CLSPN: variants seen among roughly 807,000 people sequenced by gnomAD.
CLSPN encodes the protein claspin homolog.
Under a neutral mutation model 156.3 loss-of-function variants are expected in CLSPN, and 85 were observed. The ratio of observed to expected loss-of-function variants is 0.54; its 90% CI spans 0.46 to 0.65. The LOEUF is 0.65. Ranked by LOEUF, CLSPN falls within the 30% of genes least tolerant of loss-of-function variation. CLSPN has a pLI of 0.00. For synonymous variants in CLSPN, 534 were observed against 542.4 expected, an observed-to-expected ratio of 0.98 and a Z score of 0.22; for missense variants, 1,407 against 1,554.9, an observed-to-expected ratio of 0.90 and a Z score of 1.60.
chr1:35,733,625 A>G lies in CLSPN; in HGVS notation c.*2871T>C, dbSNP rs1405875984. On this transcript the variant is annotated 3_prime_UTR_variant, in exon 25 of 25. Coordinates refer to ENST00000318121, the MANE Select transcript of CLSPN (RefSeq NM_022111.4). ...TTCAAAGAAAGAGGCAAAAACATGT[A>G]TCTTGAACCCATGGATAAAATGAAG... The G allele has an allele frequency of 1.0e-6, 1 of 985,430 alleles. No homozygotes were observed. Among genetic ancestry groups the G allele is most frequent in the Non-Finnish European group, 1.2e-6 (1 of 829,922 alleles). The allele number at this position is 985,430 out of a possible 1,614,324, so 61.0% of individuals were successfully genotyped here.
chr1:35,736,636 C>T (rs774907310), intron 24 of CLSPN, 30 bp from the exon 25 acceptor site: 1 of 1,587,632 alleles, frequency 6.3e-7, no homozygotes, highest in Admixed American at 1.9e-5. Flanking sequence ...TCAGGGCCAG[C>T]TAAAGACCTT....
chr1:35,735,764 A>T lies in CLSPN; in HGVS notation c.*732T>A. On this transcript the variant is annotated 3_prime_UTR_variant, in exon 25 of 25. Coordinates refer to ENST00000318121, the MANE Select transcript of CLSPN (RefSeq NM_022111.4). ...CCCTGGTCATCATGGTACGTATCTC[A>T]TGGGTGTAAAGGAGTCATTATGGTA... is the stretch of plus-strand genomic sequence containing the variant. 2 of 977,050 alleles carry T rather than the reference A, an allele frequency of 2.0e-6. No homozygotes were observed. The highest frequency in any genetic ancestry group is 2.4e-6 in the Non-Finnish European group (2 of 822,876). The allele number at this position is 977,050 out of a possible 1,614,324, so 60.5% of individuals were successfully genotyped here.
Position 35,736,314 on chromosome 1 carries a change from A to G in CLSPN, c.*182T>C, listed in dbSNP as rs1402760296. The G allele has an allele frequency of 8.1e-7, 1 of 1,233,574 alleles. No homozygotes were observed. The highest frequency in any genetic ancestry group is 1.0e-6 in the Non-Finnish European group (1 of 987,716). The allele number at this position is 1,233,574 out of a possible 1,614,324, so 76.4% of individuals were successfully genotyped here. On this transcript the variant is annotated 3_prime_UTR_variant, in exon 25 of 25. Transcript: ENST00000318121. ...TTGAAATCAGTGGCCAATTCAGGGA[A>G]TAATACTAGGAAAAGAGATGTCCAG...
Position 35,735,716 on chromosome 1 carries a change from A to T in CLSPN, c.*780T>A, listed in dbSNP as rs1053475208. ...AAGTGAGACTATCTCAAAAAAAAAA[A>T]AAGAAATCTTTCTTTCACCGAGCCC... On this transcript the variant is annotated 3_prime_UTR_variant, in exon 25 of 25. Transcript: ENST00000318121. 8.1e-6 allele frequency: 8 copies of T among 984,876 alleles called. No individual in the cohort carries two copies. In the South Asian group the frequency reaches 1.9e-4, roughly 23 times the overall value. 61.0% of individuals were successfully genotyped at this position (984,876 alleles called of 1,614,324 possible). A position where few individuals can be genotyped will look rare whatever the true frequency, so the allele number is the denominator to read the frequency against.
chr1:35,736,218 TAAAAAA>T lies in CLSPN; in HGVS notation c.*272_*277del. The T allele has an allele frequency of 1.1e-6, 1 of 895,658 alleles. No individual in the cohort carries two copies. The highest frequency in any genetic ancestry group is 1.3e-6 in the Non-Finnish European group (1 of 756,268). The allele number at this position is 895,658 out of a possible 1,614,324, so 55.5% of individuals were successfully genotyped here. A position where few individuals can be genotyped will look rare whatever the true frequency, so the allele number is the denominator to read the frequency against. On this transcript the variant is annotated 3_prime_UTR_variant, in exon 25 of 25. Transcript: ENST00000318121. The stretch of plus-strand genomic sequence containing the variant: ...GGGCAACAGAGTGAGACTCCCATCT[TAAAAAA>T]AAAAAAAAAAAGGAAACCTCACCCA...
At position 35,760,436 on chromosome 1, in the gene CLSPN, A is replaced by G; in HGVS notation, c.1485T>C (p.Asp495=). 6.2e-7 allele frequency: 1 copy of G among 1,614,232 alleles called. No individual in the cohort carries two copies. The highest frequency in any genetic ancestry group is 8.5e-7 in the Non-Finnish European group (1 of 1,180,042). ...PPEKVRRFTL[D]RLKQLGVDVS... ...CATCTACTCCCAGTTGCTTAAGTCT[A>G]TCCAGAGTAAACCGTCTCACTTTTT... Residue 495 remains aspartate (D), a synonymous_variant, in exon 8 of 25, where the codon GAT becomes GAC. Coordinates refer to ENST00000318121, the MANE Select transcript of CLSPN (RefSeq NM_022111.4).
In CLSPN at chr1:35,761,987, G is replaced by A. The variant is rs34230082; in HGVS notation, c.895+11C>T. ...TGTGATTTTGCCTCAAAGTTTACTG[G>A]GTTGCATTACCTCGAATAAGGCGCT... On this transcript the variant is annotated intron_variant, in intron 6 of 24. Transcript: ENST00000318121. 0.015 allele frequency: 23,558 copies of A among 1,599,662 alleles called. 226 individuals are homozygous for A. Among genetic ancestry groups the A allele is most frequent in the Non-Finnish European group, 0.018 (20,742 of 1,168,246 alleles).
In CLSPN at chr1:35,761,085, A is replaced by G. The variant is rs76231445; in HGVS notation, c.1004+11T>C. On this transcript the variant is annotated intron_variant, in intron 7 of 24. Coordinates refer to ENST00000318121, the MANE Select transcript of CLSPN (RefSeq NM_022111.4). ...TTCATGAAAATTATAATAAGGAAAG[A>G]GGGTTCTTACTTCAATAGTGCCATG... 1.2e-3 allele frequency: 1,805 copies of G among 1,565,068 alleles called. 11 individuals are homozygous for G. The African/African-American group carries it at 0.022, about 19-fold the overall frequency.
At chr1:35,754,052 A>G in intron 8 of CLSPN, 116 bp from the exon 9 acceptor site, 1 of 859,528 alleles carries the variant, frequency 1.2e-6, no homozygotes, top group Non-Finnish European at 1.7e-6. Flanking sequence ...ACACATACAC[A>G]GAGAAACCAA....
In CLSPN at chr1:35,751,364, C is replaced by A. The variant is rs770502084; in HGVS notation, c.1914G>T (p.Met638Ile). The A allele has an allele frequency of 6.2e-7, 1 of 1,607,776 alleles. No homozygotes were observed. Among genetic ancestry groups the A allele is most frequent in the Non-Finnish European group, 8.5e-7 (1 of 1,175,772 alleles). The change falls in exon 10 of 25, where the codon ATG (methionine) becomes ATT (isoleucine). Residue 638 changes from methionine to isoleucine, a missense_variant. Physicochemically the swap from Met to Ile is conservative, Grantham distance 10 (BLOSUM62 1). Around this residue, in one of 3 missense-constraint regions of CLSPN, gnomAD observed 1,096 missense variants for 1,193.0 expected, o/e 0.92. Coordinates refer to ENST00000318121, the MANE Select transcript of CLSPN (RefSeq NM_022111.4). ...CTCCATCTTCCTCAGACTCATCTGTCATTTCTTCCTCTTCCTCCTCCTCTT... is the reference window on the plus strand; with the variant it reads ...CTCCATCTTCCTCAGACTCATCTGTAATTTCTTCCTCTTCCTCCTCCTCTT... ...FEEEEEEEEE[M>I]TDESEEDGEE...
chr1:35,752,340 G>A (rs997783426), intron 9 of CLSPN, among the ~76,000 whole-genome samples: 2 of 152,114 alleles, frequency 1.3e-5, no homozygotes, highest in Non-Finnish European at 2.9e-5. Context: ...AGCACTTTGC[G>A]GGGCCAAGGT....
intron 24 of CLSPN, among the ~76,000 whole-genome samples, chr1:35,723,686 C>T (rs1641120612): frequency 6.6e-6 from 1 of 152,142 alleles, no homozygotes; most frequent in South Asian, 2.1e-4. Flanking sequence ...TGGGGAGCTC[C>T]TTGTTTAGAA....
rs1328216869 is a variant in CLSPN, at chr1:35,746,823, T to C, written c.2797A>G (p.Lys933Glu). Residue 933 changes from lysine (K) to glutamate (E), a missense_variant, in exon 15 of 25, where the codon AAG becomes GAG. Lys to Glu is a moderately conservative substitution (Grantham distance 56). Around this residue, in one of 3 missense-constraint regions of CLSPN, gnomAD observed 1,096 missense variants for 1,193.0 expected, o/e 0.92. Transcript: ENST00000318121. This position sits in a 1 kb window ranked among gnomAD's most constrained non-coding sequence, Gnocchi z 4.2. ...AEKHLPRKSD[K>E]KENMEELLNL... ...AGAAGTTCCTCCATGTTCTCTTTCT[T>C]GTCACTCTTCCTGGGTAGATGTTTT... 1.2e-6 allele frequency: 2 copies of C among 1,614,004 alleles called. No individual in the cohort carries two copies. Among genetic ancestry groups the C allele is most frequent in the Non-Finnish European group, 1.7e-6 (2 of 1,180,004 alleles).
rs2148617618 is a variant in CLSPN at position 35,746,277 on chromosome 1, T to A, written c.2854+489A>T. ...GTCTTAAGTTGATACTTTACCACTC[T>A]AAGAAAGTAAGAGTTCTAAATATCA... On this transcript the variant is annotated intron_variant, in intron 15 of 24. Transcript: ENST00000318121. The surrounding 1 kb of genome is among the most constrained non-coding windows in gnomAD (Gnocchi z 4.2). Among the ~76,000 whole-genome samples the A allele has an allele frequency of 6.6e-6, 1 of 152,314 alleles. No homozygotes were observed. The highest frequency in any genetic ancestry group is 2.4e-5 in the African/African-American group (1 of 41,586).
intron 24 of CLSPN, among the ~76,000 whole-genome samples, chr1:35,721,846 A>T (rs1248120762): frequency 2.0e-5 from 3 of 151,518 alleles, no homozygotes; most frequent in African/African-American, 7.3e-5. Flanking sequence ...ATTGATTTAA[A>T]GCCTATATTG....
In CLSPN at chr1:35,745,435, G is replaced by A. The variant is rs1476630753; in HGVS notation, c.2966+16C>T. The A allele has an allele frequency of 1.3e-6, 2 of 1,565,708 alleles. No individual in the cohort carries two copies. Among genetic ancestry groups the A allele is most frequent in the Non-Finnish European group, 1.8e-6 (2 of 1,136,696 alleles). On this transcript the variant is annotated intron_variant, in intron 16 of 24. Coordinates refer to ENST00000318121, the MANE Select transcript of CLSPN (RefSeq NM_022111.4). ...AAGGCCAGGCCTTCCCAAATTCCCA[G>A]CAATCTGAGACTTACTTGTCTGTGG...
Position 35,747,890 on chromosome 1 carries a change from A to G in CLSPN, c.2627+17T>C. The G allele has an allele frequency of 6.2e-7, 1 of 1,608,204 alleles. No homozygotes were observed. The highest frequency in any genetic ancestry group is 8.5e-7 in the Non-Finnish European group (1 of 1,177,908). Reference sequence around the variant, plus strand: ...ACCCAGCACCATTCCCGCCCACAGAAACACAAAACTACCTACCCATCTGCA... The same window carrying G: ...ACCCAGCACCATTCCCGCCCACAGAGACACAAAACTACCTACCCATCTGCA... On this transcript the variant is annotated intron_variant, in intron 14 of 24. Coordinates refer to ENST00000318121, the MANE Select transcript of CLSPN (RefSeq NM_022111.4).
intron 9 of CLSPN, among the ~76,000 whole-genome samples, chr1:35,752,454 T>G (rs1642121550): frequency 6.6e-6 from 1 of 152,048 alleles, no homozygotes; most frequent in Admixed American, 6.6e-5. Flanking sequence ...GGCAGGCACC[T>G]GTAATCCCAG....
At chr1:35,759,828 CCT>C (rs1491316128) in intron 8 of CLSPN, among the ~76,000 whole-genome samples, 3 of 148,570 alleles carry the variant, frequency 2.0e-5, no homozygotes, top group African/African-American at 7.4e-5. Flanking sequence ...CTATCAACAA[CCT>C]TTTTTTTTTT....
Sources: allele counts gnomAD v4.1 joint callset (sites outside exome capture counted in the v4.1 genomes callset), GRCh38; gene constraint gnomAD v4.1.1; regional missense constraint gnomAD v4.1.1; non-coding constraint Gnocchi (gnomAD v3.1); transcripts MANE v1.5; gene names NCBI Gene and HGNC (gene_info 2026-07-23, HGNC 2026-07-21).